PWWP3A: variants seen among roughly 807,000 people sequenced by gnomAD.
The protein encoded by PWWP3A is PWWP domain containing 3A, DNA repair factor.
PWWP3A carries 53 observed loss-of-function variants against 79.0 expected under a neutral mutation model. The ratio of observed to expected loss-of-function variants is 0.67; its 90% CI spans 0.54 to 0.84. The LOEUF (loss-of-function observed/expected upper bound fraction) is 0.84. Among genes scored for constraint, PWWP3A ranks in the 40% least tolerant of loss-of-function variants. The pLI, the probability that PWWP3A is intolerant of heterozygous loss-of-function variation, is 0.00. For missense variants in PWWP3A, 973 were observed against 948.0 expected, an observed-to-expected ratio of 1.03 and a Z score of -0.35; for synonymous variants, 443 against 394.4, an observed-to-expected ratio of 1.12 and a Z score of -1.46.
Position 1,368,713 on chromosome 19 carries a change from C to T in PWWP3A, c.1423-552C>T, listed in dbSNP as rs2082180625. On this transcript the variant is annotated intron_variant, in intron 9 of 13. Coordinates refer to ENST00000591337, the MANE Select transcript of PWWP3A (RefSeq NM_001369789.1). This position sits in a 1 kb window ranked among gnomAD's most constrained non-coding sequence, Gnocchi z 4.7. ...CAGCCCAGGTGCTGGCCTAGCCTGG[C>T]TGCAGACGATAGCTCCCAACAAAAA... 6.6e-6 allele frequency among the ~76,000 whole-genome samples: 1 copy of T among 152,246 alleles called. No individual in the cohort carries two copies. Among genetic ancestry groups the T allele is most frequent in the Admixed American group, 6.5e-5 (1 of 15,286 alleles).
In PWWP3A at chr19:1,370,714, C is replaced by A; in HGVS notation, c.1622C>A (p.Pro541His). ...TKLPQLSKGS[P>H]EEPVVGCPLG... ...CTTCCTCAACTGAGCAAGGGGAGCC[C>A]CGAGGAGCCCGTGGTGGGGTGCCCC... The change falls in exon 12 of 14, where the codon CCC (proline) becomes CAC (histidine). Residue 541 changes from proline (P) to histidine (H), a missense_variant. Physicochemically the swap from Pro to His is moderately conservative, Grantham distance 77. Coordinates refer to ENST00000591337, the MANE Select transcript of PWWP3A (RefSeq NM_001369789.1). 1.4e-6 allele frequency: 2 copies of A among 1,464,710 alleles called. No homozygotes were observed. The highest frequency in any genetic ancestry group is 1.8e-6 in the Non-Finnish European group (2 of 1,106,406). The allele number at this position is 1,464,710 out of a possible 1,614,324, so 90.7% of individuals were successfully genotyped here.
intron 4 of PWWP3A, chr19:1,358,778 G>T (rs1250634604): frequency 3.0e-5 from 27 of 900,384 alleles, no homozygotes; most frequent in Non-Finnish European, 4.2e-5. Flanking sequence ...CATAAGGGGG[G>T]AGGTCCTCCT....
At chr19:1,361,723 C>A (rs2082018577) in intron 5 of PWWP3A, among the ~76,000 whole-genome samples, 1 of 151,928 alleles carries the variant, frequency 6.6e-6, no homozygotes, top group East Asian at 1.9e-4. Context: ...GCTCTGAAGA[C>A]AAAGTGACCG....
chr19:1,366,002 G>A (rs962897386), intron 7 of PWWP3A, among the ~76,000 whole-genome samples: 3 of 152,250 alleles, frequency 2.0e-5, no homozygotes, highest in Non-Finnish European at 4.4e-5. Flanking sequence ...CTGCCCTGCT[G>A]AGCCGCTGGA....
rs1600120262 is a variant in PWWP3A, at chr19:1,369,749, G to A, written c.1549+103G>A. On this transcript the variant is annotated intron_variant, in intron 11 of 13. Transcript: ENST00000591337. This position sits in a 1 kb window ranked among gnomAD's most constrained non-coding sequence, Gnocchi z 4.0. ...TGTGGAAGGGGACGTTGGGGTCAAG[G>A]CACTGTCCGCAGCCACACAGCATTG... 2 of 1,244,702 alleles carry A rather than the reference G, an allele frequency of 1.6e-6. No individual in the cohort carries two copies. The highest frequency in any genetic ancestry group is 4.6e-5 in the East Asian group (2 of 43,142). 77.1% of individuals were successfully genotyped at this position (1,244,702 alleles called of 1,614,324 possible).
intron 13 of PWWP3A, among the ~76,000 whole-genome samples, chr19:1,375,664 TATAA>T: frequency 7.2e-6 from 1 of 139,470 alleles, no homozygotes; most frequent in East Asian, 2.0e-4. Flanking sequence ...ATATATTATA[TATAA>T]AATGTACAAT....
Position 1,376,307 on chromosome 19 carries a change from G to T in PWWP3A, c.2076-212G>T, listed in dbSNP as rs7508308. Among the ~76,000 whole-genome samples, 36,167 of 67,094 alleles carry T rather than the reference G, an allele frequency of 0.54. 9,208 individuals carry two copies. The highest frequency in any genetic ancestry group is 0.62 in the Non-Finnish European group (23,841 of 38,170). The allele number at this position is 67,094 out of a possible 152,430, so 44.0% of individuals were successfully genotyped here. A position where few individuals can be genotyped will look rare whatever the true frequency, so the allele number is the denominator to read the frequency against. On this transcript the variant is annotated intron_variant, in intron 13 of 13. Coordinates refer to ENST00000591337, the MANE Select transcript of PWWP3A (RefSeq NM_001369789.1). ...CGCCCGGCTGTTTGTTTTTTTTTTT[G>T]TTTGTTTTTTTTTTTTTTTGGTATT...
intron 13 of PWWP3A, among the ~76,000 whole-genome samples, chr19:1,375,728 A>G (rs2082372979): frequency 2.1e-5 from 3 of 141,962 alleles, no homozygotes; most frequent in Non-Finnish European, 3.0e-5. Context: ...AAGTATGTAT[A>G]CTTTATATTA....
At chr19:1,358,817 T>A in intron 4 of PWWP3A, 1 of 587,506 alleles carries the variant, frequency 1.7e-6, no homozygotes, top group Non-Finnish European at 3.0e-6. Context: ...ATAGTAAGAT[T>A]TGCTGTGGTA....
In PWWP3A at chr19:1,370,775, C is replaced by T. The variant is rs576232693; in HGVS notation, c.1683C>T (p.Pro561=). ...GGCAGCCCTGCCGGAAAATGCTCCC[C>T]GACCGCTCGCGGGCCGCCCGGGACC... ...GQRQPCRKML[P]DRSRAARDRA... The change falls in exon 12 of 14, where the codon CCC becomes CCT. Residue 561 remains proline (P), a synonymous_variant. Coordinates refer to ENST00000591337, the MANE Select transcript of PWWP3A (RefSeq NM_001369789.1). 1.5e-5 allele frequency: 23 copies of T among 1,527,304 alleles called. No individual in the cohort carries two copies. The highest frequency in any genetic ancestry group is 1.2e-4 in the East Asian group (5 of 41,262). The allele number at this position is 1,527,304 out of a possible 1,614,324, so 94.6% of individuals were successfully genotyped here. A position where few individuals can be genotyped will look rare whatever the true frequency, so the allele number is the denominator to read the frequency against.
chr19:1,358,498 T>A, intron 4 of PWWP3A, 34 bp downstream of exon 4: 1 of 1,611,564 alleles, frequency 6.2e-7, no homozygotes. Flanking sequence ...CACTAGGTTT[T>A]CATAAAATAA....
intron 6 of PWWP3A, among the ~76,000 whole-genome samples, chr19:1,362,702 G>C (rs1263761726): frequency 6.6e-6 from 1 of 152,248 alleles, no homozygotes; most frequent in Admixed American, 6.5e-5. Flanking sequence ...GCTCGGGTGT[G>C]GCCACGTACT....
At chr19:1,357,243 C>A in intron 3 of PWWP3A, 149 bp downstream of exon 3, 2 of 589,344 alleles carry the variant, frequency 3.4e-6, no homozygotes, top group South Asian at 2.3e-5. Context: ...ATAATAACCT[C>A]ATGAGAAAGC....
chr19:1,361,062 C>A, intron 5 of PWWP3A, 30 bp downstream of exon 5: 1 of 1,418,648 alleles, frequency 7.0e-7, no homozygotes, highest in Non-Finnish European at 9.2e-7. Context: ...GAGGAGAGCG[C>A]AGAGGGTGGA....
At chr19:1,371,917 C>CT (rs1418431917) in intron 12 of PWWP3A, among the ~76,000 whole-genome samples, 1 of 150,522 alleles carries the variant, frequency 6.6e-6, no homozygotes, top group African/African-American at 2.5e-5. Flanking sequence ...ACGCCATTCT[C>CT]TTGTAGCCTT....
At position 1,361,155 on chromosome 19, in the gene PWWP3A, A is replaced by G. The variant is rs897292775; in HGVS notation, c.1111+123A>G. On this transcript the variant is annotated intron_variant, in intron 5 of 13. Coordinates refer to ENST00000591337, the MANE Select transcript of PWWP3A (RefSeq NM_001369789.1). ...TTTAATGAGATCGTTGCCAAAATAG[A>G]CTTAGAGCAGAGACTTCCTCATTCC... The G allele has an allele frequency of 5.9e-5, 57 of 966,734 alleles. No homozygotes were observed. The South Asian group carries it at 1.6e-3, about 26-fold the overall frequency. The allele number at this position is 966,734 out of a possible 1,614,324, so 59.9% of individuals were successfully genotyped here. A position where few individuals can be genotyped will look rare whatever the true frequency, so the allele number is the denominator to read the frequency against.
chr19:1,356,597 G>A, intron 2 of PWWP3A, 148 bp downstream of exon 2: 1 of 719,374 alleles, frequency 1.4e-6, no homozygotes, highest in South Asian at 1.9e-5. Flanking sequence ...CCATTTAATG[G>A]GGTTTTGGTC....
intron 12 of PWWP3A, chr19:1,371,373 G>A (rs1237566103): frequency 3.4e-5 from 24 of 703,188 alleles, no homozygotes; most frequent in Non-Finnish European, 5.7e-5. Context: ...GCGCACAGAT[G>A]CTTCCCAGCC....
At chr19:1,371,840 C>A (rs2082267783) in intron 12 of PWWP3A, among the ~76,000 whole-genome samples, 1 of 144,624 alleles carries the variant, frequency 6.9e-6, no homozygotes, top group Middle Eastern at 3.4e-3. Context: ...TGGAGTCTCG[C>A]TCTGTCACCC....
Sources: allele counts gnomAD v4.1 joint callset (sites outside exome capture counted in the v4.1 genomes callset), GRCh38; gene constraint gnomAD v4.1.1; non-coding constraint Gnocchi (gnomAD v3.1); transcripts MANE v1.5; gene names NCBI Gene and HGNC (gene_info 2026-07-23, HGNC 2026-07-21).